The following TBCD variants were observed in gnomAD, a reference collection of about 807,000 sequenced individuals.
TBCD encodes the protein tubulin-specific chaperone D.
A neutral mutation model predicts 169.3 loss-of-function variants in TBCD; 105 were observed. That is an observed-to-expected ratio of 0.62 (90% CI 0.53 to 0.73). TBCD has a LOEUF of 0.73. Ranked by LOEUF, TBCD falls within the 30% of genes least tolerant of loss-of-function variation. The pLI, the probability that TBCD is intolerant of heterozygous loss-of-function variation, is 0.00. For missense variants in TBCD, 1,444 were observed against 1,600.1 expected (o/e 0.90, Z 1.66); for synonymous variants, 700 against 643.9 (o/e 1.09, Z -1.32).
At chr17:82,910,160 C>G (rs556549961) in intron 22 of TBCD, among the ~76,000 whole-genome samples, 1 of 152,352 alleles carries the variant, frequency 6.6e-6, no homozygotes, top group African/African-American at 2.4e-5. Context: ...TGGCTGACTA[C>G]CAGGAGCAGC....
At chr17:82,925,140 C>A in intron 27 of TBCD, 83 bp downstream of exon 27, 1 of 1,075,194 alleles carries the variant, frequency 9.3e-7, no homozygotes, top group Non-Finnish European at 1.3e-6. Flanking sequence ...TAGGCCCAGC[C>A]GTTAATAAAC....
chr17:82,849,853 C>A (rs1052586430), intron 13 of TBCD, among the ~76,000 whole-genome samples: 1 of 152,260 alleles, frequency 6.6e-6, no homozygotes, highest in African/African-American at 2.4e-5. Context: ...GAAGCAGTAG[C>A]CCCCGTGCGC....
chr17:82,899,714 A>G (rs1176598384), intron 17 of TBCD, among the ~76,000 whole-genome samples: 1 of 152,256 alleles, frequency 6.6e-6, no homozygotes, highest in African/African-American at 2.4e-5. Flanking sequence ...ACTGTTTTGC[A>G]AAGTGGCTGT....
In TBCD at chr17:82,907,742, T is replaced by A; in HGVS notation, c.1923-19T>A. 1 of 1,613,542 alleles carries A rather than the reference T, an allele frequency of 6.2e-7. No individual in the cohort carries two copies. The highest frequency in any genetic ancestry group is 2.2e-5 in the East Asian group (1 of 44,866). On this transcript the variant is annotated intron_variant, in intron 20 of 38. Coordinates refer to ENST00000355528, the MANE Select transcript of TBCD (RefSeq NM_005993.5). ...GTCTTGGGGAGTGTGACTTCAGCTCTGTGTTTGAACTTCTGCAGGCCCGTC... is the reference window on the plus strand; with the variant it reads ...GTCTTGGGGAGTGTGACTTCAGCTCAGTGTTTGAACTTCTGCAGGCCCGTC...
chr17:82,883,527 G>A (rs1489161424), intron 14 of TBCD, among the ~76,000 whole-genome samples: 5 of 152,214 alleles, frequency 3.3e-5, no homozygotes, highest in African/African-American at 7.2e-5. Context: ...TGGGGGCAGC[G>A]CCTTGGCGTC....
chr17:82,856,797 GCGCATCCAGGGCGGGATCGC>G, intron 13 of TBCD, among the ~76,000 whole-genome samples: 2 of 142,368 alleles, frequency 1.4e-5, no homozygotes, highest in African/African-American at 2.6e-5. Flanking sequence ...GACCCTCGCT[GCGCATCCAGGGCGGGATCGC>G]TGGACCGCGT....
rs1461837043 is a variant in TBCD at position 82,766,276 on chromosome 17, T to A, written c.343T>A (p.Tyr115Asn). The A allele has an allele frequency of 1.2e-6, 2 of 1,610,784 alleles. No homozygotes were observed. Among genetic ancestry groups the A allele is most frequent in the Admixed American group, 3.4e-5 (2 of 59,562 alleles). The stretch of plus-strand genomic sequence containing the variant: ...TCTCTTTATTTGATAGGTTCGAGGC[T>A]ATAAAACATTTCTTCGTTTATTTCC... ...FLYIITKVRGYKTFLRLFPHE... is the reference protein window; with the variant it reads ...FLYIITKVRGNKTFLRLFPHE... The change falls in exon 4 of 39, where the codon TAT (tyrosine) becomes AAT (asparagine). Residue 115 changes from tyrosine to asparagine, a missense_variant. Transcript: ENST00000355528.
chr17:82,848,119 T>G lies in TBCD; in HGVS notation c.1319-22105T>G, dbSNP rs150475904. 5.0e-3 allele frequency among the ~76,000 whole-genome samples: 760 copies of G among 152,230 alleles called. 6 individuals carry two copies. Among genetic ancestry groups the G allele is most frequent in the African/African-American group, 0.016 (648 of 41,556 alleles). ...GGTGCTCTGTGGCAGGGCTGGCAGT[T>G]TCTGGGTGTGTGGCCTGTGGGTAGC... On this transcript the variant is annotated intron_variant, in intron 13 of 38. Transcript: ENST00000355528.
In TBCD at chr17:82,921,563, C is replaced by A. The variant is rs548213550; in HGVS notation, c.2164C>A (p.Arg722Ser). ...TCTCCATCTCATCTCAAGTCACTCC[C>A]GCCAGCAGATGAAGGTACAGTGAGC... ...RHLHLISSHSRQQMKDAAVSA... is the reference protein window; with the variant it reads ...RHLHLISSHSSQQMKDAAVSA... Residue 722 changes from arginine (R) to serine (S), a missense_variant, in exon 25 of 39, where the codon CGC (arginine) becomes AGC (serine). Arg to Ser is a moderately radical substitution (Grantham distance 110). Transcript: ENST00000355528. 9 of 1,613,876 alleles carry A rather than the reference C, an allele frequency of 5.6e-6. No individual in the cohort carries two copies. The African/African-American group carries it at 1.2e-4, about 22-fold the overall frequency.
chr17:82,837,093 G>A (rs2054053108), intron 13 of TBCD, among the ~76,000 whole-genome samples: 1 of 152,176 alleles, frequency 6.6e-6, no homozygotes. Context: ...TGTAAGCCGG[G>A]CGTAGGTCAC....
At chr17:82,871,462 G>A (rs1334402217) in intron 14 of TBCD, among the ~76,000 whole-genome samples, 2 of 152,206 alleles carry the variant, frequency 1.3e-5, no homozygotes, top group East Asian at 1.9e-4. Context: ...TTTCACACCC[G>A]CACTTCACCT....
At chr17:82,870,585 T>C (rs2057486598) in intron 14 of TBCD, among the ~76,000 whole-genome samples, 1 of 152,184 alleles carries the variant, frequency 6.6e-6, no homozygotes, top group Non-Finnish European at 1.5e-5. Context: ...GGAGGAACAT[T>C]CTGGAGGTCT....
intron 13 of TBCD, among the ~76,000 whole-genome samples, chr17:82,850,959 C>T (rs1403174334): frequency 6.6e-6 from 1 of 152,140 alleles, no homozygotes; most frequent in Non-Finnish European, 1.5e-5. Flanking sequence ...ACTGTGTGTG[C>T]ACATACAATA....
At chr17:82,905,247 G>A (rs1050601604) in intron 19 of TBCD, among the ~76,000 whole-genome samples, 3 of 152,220 alleles carry the variant, frequency 2.0e-5, no homozygotes, top group Admixed American at 2.0e-4. Flanking sequence ...TACACCGACA[G>A]GGAAGGCCTG....
chr17:82,793,979 C>T (rs759728144), intron 7 of TBCD, among the ~76,000 whole-genome samples: 8 of 152,198 alleles, frequency 5.3e-5, no homozygotes, highest in Admixed American at 2.6e-4. Context: ...CAGGGTGACC[C>T]GCTGGCCTGG....
At chr17:82,940,761 A>T (rs868154717) in intron 37 of TBCD, among the ~76,000 whole-genome samples, 27 of 152,006 alleles carry the variant, frequency 1.8e-4, no homozygotes, top group African/African-American at 2.4e-4. Flanking sequence ...GATTTTTTTA[A>T]AAAAAAACAC....
At chr17:82,829,360 C>G (rs1193282439) in intron 13 of TBCD, 3 of 155,134 alleles carry the variant, frequency 1.9e-5, no homozygotes, top group South Asian at 4.0e-4. Flanking sequence ...AATGTGCATA[C>G]ACGCACCCGT....
At chr17:82,845,320 C>T (rs1283001891) in intron 13 of TBCD, among the ~76,000 whole-genome samples, 1 of 151,198 alleles carries the variant, frequency 6.6e-6, no homozygotes, top group Non-Finnish European at 1.5e-5. Context: ...CGGCCTGGCC[C>T]CTTCCTCTCT....
At chr17:82,863,723 G>A (rs1316803089) in intron 13 of TBCD, among the ~76,000 whole-genome samples, 7 of 152,170 alleles carry the variant, frequency 4.6e-5, no homozygotes, top group Non-Finnish European at 8.8e-5. Flanking sequence ...AAGCCTCCTC[G>A]GGAAGCAGCA....
Sources: allele counts gnomAD v4.1 joint callset (sites outside exome capture counted in the v4.1 genomes callset), GRCh38; gene constraint gnomAD v4.1.1; transcripts MANE v1.5; gene names NCBI Gene and HGNC (gene_info 2026-07-23, HGNC 2026-07-21).